The following YPEL2 variants were observed in gnomAD, a reference collection of about 807,000 sequenced individuals.
YPEL2 encodes the protein yippee like 2.
A neutral mutation model predicts 19.1 loss-of-function variants in YPEL2; 2 were observed. That is an observed-to-expected ratio of 0.10 (90% CI 0.04 to 0.33). The LOEUF (loss-of-function observed/expected upper bound fraction) is 0.33, where lower values mean the gene tolerates loss of function less well. Among genes scored for constraint, YPEL2 ranks in the 10% least tolerant of loss-of-function variants. The pLI, the probability that YPEL2 is intolerant of heterozygous loss-of-function variation, is 1.00. For synonymous variants in YPEL2, 52 were observed against 50.0 expected (o/e 1.04, Z -0.17); for missense variants, 66 against 140.7 (o/e 0.47, Z 2.68).
intron 2 of YPEL2, among the ~76,000 whole-genome samples, chr17:59,358,851 G>A (rs963600913): frequency 1.3e-5 from 2 of 150,148 alleles, no homozygotes; most frequent in African/African-American, 4.9e-5. Context: ...CAGGTGATCC[G>A]CCCACCTCGG....
In YPEL2 at chr17:59,397,255, C is replaced by A; in HGVS notation, c.*65C>A. On this transcript the variant is annotated 3_prime_UTR_variant, in exon 5 of 5. Transcript: ENST00000312655. ...CATTCAACCGAACATTCTTCCCAAG[C>A]GTGAGAGAGTGACTGACACTTGGTT... The A allele has an allele frequency of 3.1e-6, 4 of 1,307,296 alleles. No homozygotes were observed. The highest frequency in any genetic ancestry group is 3.2e-6 in the Non-Finnish European group (3 of 950,012). 81.0% of individuals were successfully genotyped at this position (1,307,296 alleles called of 1,614,324 possible).
At chr17:59,335,203 C>T (rs1049664620) in intron 1 of YPEL2, among the ~76,000 whole-genome samples, 1 of 152,218 alleles carries the variant, frequency 6.6e-6, no homozygotes, top group African/African-American at 2.4e-5. Flanking sequence ...AAAGGTGATA[C>T]ACTTGAGTCT....
At chr17:59,333,588 T>A (rs2047682995) in intron 1 of YPEL2, among the ~76,000 whole-genome samples, 1 of 152,160 alleles carries the variant, frequency 6.6e-6, no homozygotes, top group Non-Finnish European at 1.5e-5. Context: ...CCTTACTCCC[T>A]GCAGTGTGCT....
chr17:59,393,508 T>A (rs552517635), intron 4 of YPEL2, among the ~76,000 whole-genome samples: 2 of 150,292 alleles, frequency 1.3e-5, no homozygotes, highest in South Asian at 2.1e-4. Flanking sequence ...TTTATTTTTT[T>A]ATTTTATTTA....
At chr17:59,376,555 T>C (rs1353212727) in intron 2 of YPEL2, among the ~76,000 whole-genome samples, 3 of 152,144 alleles carry the variant, frequency 2.0e-5, no homozygotes, top group African/African-American at 7.2e-5. Flanking sequence ...TAGCCTCTCT[T>C]CTCCGTACTT....
intron 1 of YPEL2, among the ~76,000 whole-genome samples, chr17:59,340,471 AGTGGT>A (rs2047723255): frequency 6.7e-6 from 1 of 149,904 alleles, no homozygotes; most frequent in Admixed American, 6.7e-5. Flanking sequence ...GCTGGAGTGC[AGTGGT>A]GCGATCTCAG....
rs1368380346 is a variant in YPEL2 at position 59,399,077 on chromosome 17, A to G, written c.*1887A>G. The G allele has an allele frequency of 6.6e-6, 1 of 152,466 alleles. No individual in the cohort carries two copies. The allele number at this position is 152,466 out of a possible 1,614,324, so 9.4% of individuals were successfully genotyped here. On this transcript the variant is annotated 3_prime_UTR_variant, in exon 5 of 5. Transcript: ENST00000312655. ...CCTGGGAGATCAAGTTGTTCTCCCC[A>G]CTTTACTGCAAGGTAGACTGAAGTT...
chr17:59,349,040 G>A (rs2047771955), intron 1 of YPEL2, among the ~76,000 whole-genome samples: 1 of 151,558 alleles, frequency 6.6e-6, no homozygotes, highest in Non-Finnish European at 1.5e-5. Flanking sequence ...CGGGCGTAGT[G>A]GCGGGCGCCT....
At chr17:59,384,426 G>A (rs929073324) in intron 2 of YPEL2, among the ~76,000 whole-genome samples, 1 of 152,044 alleles carries the variant, frequency 6.6e-6, no homozygotes, top group East Asian at 1.9e-4. Flanking sequence ...CAAAGACCCT[G>A]CTATTTAAAA....
chr17:59,401,035 A>G lies in YPEL2; in HGVS notation c.*3845A>G, dbSNP rs570656351. 4 of 152,658 alleles carry G rather than the reference A, an allele frequency of 2.6e-5. 1 individual carries two copies. The South Asian group carries it at 8.3e-4, about 32-fold the overall frequency. 9.5% of individuals were successfully genotyped at this position (152,658 alleles called of 1,614,324 possible). ...AGTCAAATCTGTGCTTCTAACTGAG[A>G]TGAGAGTGTATTAATCACGTATCGC... On this transcript the variant is annotated 3_prime_UTR_variant, in exon 5 of 5. Coordinates refer to ENST00000312655, the MANE Select transcript of YPEL2 (RefSeq NM_001005404.4).
chr17:59,368,479 A>G (rs987528675), intron 2 of YPEL2, among the ~76,000 whole-genome samples: 1 of 152,232 alleles, frequency 6.6e-6, no homozygotes, highest in Admixed American at 6.5e-5. Flanking sequence ...TTTCACTGTA[A>G]GTGATTGTTC....
In YPEL2 at chr17:59,398,561, G is replaced by A. The variant is rs2048053421; in HGVS notation, c.*1371G>A. 6.6e-6 allele frequency: 1 copy of A among 152,158 alleles called. No individual in the cohort carries two copies. 9.4% of individuals were successfully genotyped at this position (152,158 alleles called of 1,614,324 possible). The stretch of plus-strand genomic sequence containing the variant: ...CATCCTTCGATTAGGGAAGTGGAGA[G>A]CACATCCCTGTAAGGCCCATAAGAG... On this transcript the variant is annotated 3_prime_UTR_variant, in exon 5 of 5. Transcript: ENST00000312655.
At chr17:59,381,316 T>C (rs2047947826) in intron 2 of YPEL2, among the ~76,000 whole-genome samples, 1 of 152,132 alleles carries the variant, frequency 6.6e-6, no homozygotes, top group South Asian at 2.1e-4. Context: ...GCTTTCCCCA[T>C]CTCTCTCTGC....
chr17:59,383,043 T>G (rs2047957825), intron 2 of YPEL2, among the ~76,000 whole-genome samples: 1 of 152,246 alleles, frequency 6.6e-6, no homozygotes, highest in South Asian at 2.1e-4. Flanking sequence ...CAAACCCCTC[T>G]GAAACTCTTT....
Position 59,353,347 on chromosome 17 carries a change from G to T in YPEL2, c.-63G>T. On this transcript the variant is annotated 5_prime_UTR_variant, in exon 2 of 5. Coordinates refer to ENST00000312655, the MANE Select transcript of YPEL2 (RefSeq NM_001005404.4). The surrounding 1 kb of genome is among the most constrained non-coding windows in gnomAD (Gnocchi z 4.8). ...CTGTGTCTTCCGGTGTTTCCCGTGCGACCCATCCTGTGGGAGTGCCTCGTG... is the reference window on the plus strand; with the variant it reads ...CTGTGTCTTCCGGTGTTTCCCGTGCTACCCATCCTGTGGGAGTGCCTCGTG... 1 of 1,254,760 alleles carries T rather than the reference G, an allele frequency of 8.0e-7. No individual in the cohort carries two copies. The highest frequency in any genetic ancestry group is 1.4e-5 in the South Asian group (1 of 70,718). 77.7% of individuals were successfully genotyped at this position (1,254,760 alleles called of 1,614,324 possible).
intron 4 of YPEL2, among the ~76,000 whole-genome samples, chr17:59,394,677 C>T (rs2048028900): frequency 6.6e-6 from 1 of 152,006 alleles, no homozygotes; most frequent in Non-Finnish European, 1.5e-5. Flanking sequence ...CCTCACTTCC[C>T]AGACGGGGTG....
At chr17:59,352,594 G>C (rs1176132730) in intron 1 of YPEL2, among the ~76,000 whole-genome samples, 1 of 152,224 alleles carries the variant, frequency 6.6e-6, no homozygotes, top group African/African-American at 2.4e-5. Context: ...TCTGAGTGAG[G>C]TGTGTTATAA....
intron 1 of YPEL2, among the ~76,000 whole-genome samples, chr17:59,334,387 A>C: frequency 8.5e-6 from 1 of 117,180 alleles, no homozygotes. Flanking sequence ...GACTCTTTTT[A>C]TTTGGGGGGG....
chr17:59,388,447 TAAAC>T (rs1319199191), intron 3 of YPEL2, 77 bp downstream of exon 3: 31 of 1,435,032 alleles, frequency 2.2e-5, no homozygotes, highest in Non-Finnish European at 3.0e-6. Context: ...TGGTGATAAT[TAAAC>T]AATGAACCCT....
Sources: allele counts gnomAD v4.1 joint callset (sites outside exome capture counted in the v4.1 genomes callset), GRCh38; gene constraint gnomAD v4.1.1; non-coding constraint Gnocchi (gnomAD v3.1); transcripts MANE v1.5; gene names NCBI Gene and HGNC (gene_info 2026-07-23, HGNC 2026-07-21).